CUX1: variants seen among roughly 807,000 people sequenced by gnomAD.
CUX1 encodes the protein cut like homeobox 1.
In CUX1, 31 loss-of-function variants were observed where a neutral mutation model predicts 158.8. The observed-to-expected ratio is 0.20, with a 90% CI of 0.15 to 0.26. CUX1 has a LOEUF of 0.26. CUX1 is among the 10% of genes least tolerant of loss of function. The pLI, the probability that CUX1 is intolerant of heterozygous loss-of-function variation, is 1.00. For synonymous variants in CUX1, 879 were observed against 862.1 expected, an observed-to-expected ratio of 1.02 and a Z score of -0.34; for missense variants, 1,589 against 2,014.6, an observed-to-expected ratio of 0.79 and a Z score of 4.04.
At chr7:102,267,499 A>G (rs973238046) in intron 14 of CUX1, among the ~76,000 whole-genome samples, 1 of 151,898 alleles carries the variant, frequency 6.6e-6, no homozygotes, top group Non-Finnish European at 1.5e-5. Flanking sequence ...ATACCATTGC[A>G]CTCTAGCCTG....
At position 102,216,645 on chromosome 7, in the gene CUX1, A is replaced by G. The variant is rs529871331; in HGVS notation, c.3131-10722A>G. On this transcript the variant is annotated intron_variant, in intron 20 of 23. Transcript: ENST00000292535. ...CACACACACACCCCCACACACGCAC[A>G]CACACACACTCTCCCACACACACTC... Among the ~76,000 whole-genome samples the G allele has an allele frequency of 5.6e-4, 60 of 108,074 alleles. 2 individuals carry two copies. The highest frequency in any genetic ancestry group is 2.1e-3 in the African/African-American group (58 of 27,376). The allele number at this position is 108,074 out of a possible 152,430, so 70.9% of individuals were successfully genotyped here.
chr7:102,087,604 T>C (rs150548899), intron 4 of CUX1, among the ~76,000 whole-genome samples: 1 of 152,170 alleles, frequency 6.6e-6, no homozygotes, highest in East Asian at 1.9e-4. Flanking sequence ...AAAGTAACCA[T>C]CTTTAACTTA....
At chr7:101,860,986 TG>T (rs1683903204) in intron 1 of CUX1, among the ~76,000 whole-genome samples, 1 of 152,128 alleles carries the variant, frequency 6.6e-6, no homozygotes, top group African/African-American at 2.4e-5. Flanking sequence ...TTAAATTTTT[TG>T]TAGAGACAGG....
At chr7:101,912,758 TG>T (rs1803641325) in intron 1 of CUX1, among the ~76,000 whole-genome samples, 1 of 152,230 alleles carries the variant, frequency 6.6e-6, no homozygotes, top group Non-Finnish European at 1.5e-5. Flanking sequence ...CAATACACCG[TG>T]TTTTTTTACA....
chr7:101,958,627 C>T (rs960822588), intron 2 of CUX1, among the ~76,000 whole-genome samples: 4 of 151,420 alleles, frequency 2.6e-5, no homozygotes, highest in African/African-American at 9.7e-5. Flanking sequence ...ATTACAGGTG[C>T]GCACCACCAT....
rs546324987 is a variant in CUX1, at chr7:102,238,192, C to T, written c.3623-1128C>T. On this transcript the variant is annotated intron_variant, in intron 22 of 23. Transcript: ENST00000292535. Reference sequence around the variant, plus strand: ...GAGCAGAGTCTTCTCTAAACTCCCCCGGGGAAAGGGATACTCCCTTTCCCG... The same window carrying T: ...GAGCAGAGTCTTCTCTAAACTCCCCTGGGGAAAGGGATACTCCCTTTCCCG... Among the ~76,000 whole-genome samples, 47 of 152,192 alleles carry T rather than the reference C, an allele frequency of 3.1e-4. No individual in the cohort carries two copies. The East Asian group carries it at 5.2e-3, about 17-fold the overall frequency.
rs563344812 is a variant in CUX1, at chr7:101,867,267, C to T, written c.31-48848C>T. Among the ~76,000 whole-genome samples, 12 of 152,246 alleles carry T rather than the reference C, an allele frequency of 7.9e-5. No individual in the cohort carries two copies. The East Asian group carries it at 2.3e-3, about 29-fold the overall frequency. On this transcript the variant is annotated intron_variant, in intron 1 of 23. Coordinates refer to ENST00000292535, the MANE Select transcript of CUX1 (RefSeq NM_181552.4). Reference sequence around the variant, plus strand: ...GAGAGAAAAGCAAATTACCTGAAATCCAGAAAGATCAGAGAAGGGAAGGAA... The same window carrying T: ...GAGAGAAAAGCAAATTACCTGAAATTCAGAAAGATCAGAGAAGGGAAGGAA...
chr7:101,817,380 G>T (rs1195295150), upstream of CUX1: 3 of 984,548 alleles, frequency 3.0e-6, no homozygotes, highest in Admixed American at 1.8e-4. This position sits in a 1 kb window ranked among gnomAD's most constrained non-coding sequence, Gnocchi z 4.1. Flanking sequence ...GCCTTCTCGG[G>T]CCGGGTTCTC....
At chr7:102,063,451 C>T (rs946893781) in intron 3 of CUX1, among the ~76,000 whole-genome samples, 4 of 137,350 alleles carry the variant, frequency 2.9e-5, no homozygotes, top group African/African-American at 7.9e-5. Flanking sequence ...TGCAATGGCA[C>T]GATCTTGGCT....
Position 102,252,149 on chromosome 7 carries a change from C to T in CUX1, c.*3107C>T. On this transcript the variant is annotated 3_prime_UTR_variant, in exon 24 of 24. Transcript: ENST00000292535. ...TTTTTAAAAAAAATAGAGATCCTAA[C>T]CTTAGATCTTTGATGTGAAGCTAGC... The T allele has an allele frequency of 2.0e-6, 2 of 985,058 alleles. No homozygotes were observed. The highest frequency in any genetic ancestry group is 2.4e-6 in the Non-Finnish European group (2 of 829,716). The allele number at this position is 985,058 out of a possible 1,614,324, so 61.0% of individuals were successfully genotyped here.
At position 101,820,785 on chromosome 7, in the gene CUX1, C is replaced by G. The variant is rs144214194; in HGVS notation, c.30+3116C>G. Among the ~76,000 whole-genome samples the G allele has an allele frequency of 2.2e-3, 336 of 152,258 alleles. 5 individuals carry two copies. The highest frequency in any genetic ancestry group is 0.018 in the Admixed American group (274 of 15,296). ...AGAATTGTTTTGTGTAAGTAGCAAG[C>G]GAGTGTAGCTTAAACACTCAAGCAA... On this transcript the variant is annotated intron_variant, in intron 1 of 23. Coordinates refer to ENST00000292535, the MANE Select transcript of CUX1 (RefSeq NM_181552.4).
chr7:101,923,139 G>C (rs1309368929), intron 2 of CUX1, among the ~76,000 whole-genome samples: 2 of 152,172 alleles, frequency 1.3e-5, no homozygotes, highest in African/African-American at 4.8e-5. Flanking sequence ...TAGGGAGTTA[G>C]TGGATGGAGA....
chr7:101,972,252 C>A (rs1812051047), intron 2 of CUX1, among the ~76,000 whole-genome samples: 2 of 152,244 alleles, frequency 1.3e-5, no homozygotes, highest in African/African-American at 4.8e-5. Flanking sequence ...AGGCGTGAGC[C>A]ACCGTGCCCG....
intron 2 of CUX1, among the ~76,000 whole-genome samples, chr7:101,924,461 T>C (rs1326991908): frequency 6.6e-6 from 1 of 152,248 alleles, no homozygotes; most frequent in Non-Finnish European, 1.5e-5. Context: ...CCCAGGACCC[T>C]GGGCGAGTCA....
At chr7:102,149,787 TA>T (rs1454698880) in intron 8 of CUX1, among the ~76,000 whole-genome samples, 1 of 152,128 alleles carries the variant, frequency 6.6e-6, no homozygotes. Flanking sequence ...CCCCCCGAGT[TA>T]AGGGGATTCC....
At chr7:102,266,219 AAGAG>A (rs35439464) in intron 14 of CUX1, among the ~76,000 whole-genome samples, 24 of 147,634 alleles carry the variant, frequency 1.6e-4, no homozygotes, top group South Asian at 2.1e-4. Context: ...AAAAAAAAAA[AAGAG>A]AGAGAGAGAG....
intron 3 of CUX1, among the ~76,000 whole-genome samples, chr7:102,066,709 T>C (rs1375473247): frequency 6.6e-6 from 1 of 152,222 alleles, no homozygotes; most frequent in East Asian, 1.9e-4. Flanking sequence ...GGACAGACTC[T>C]GCTACCCACC....
rs144152799 is a variant in CUX1 at position 102,138,452 on chromosome 7, C to T, written c.675-20108C>T. On this transcript the variant is annotated intron_variant, in intron 8 of 23. Coordinates refer to ENST00000292535, the MANE Select transcript of CUX1 (RefSeq NM_181552.4). ...AGCCTAATTGACCCTCTGAATGTCC[C>T]CTGAGCCTTCTAATCCGCCCTGCCT... Among the ~76,000 whole-genome samples, 751 of 152,188 alleles carry T rather than the reference C, an allele frequency of 4.9e-3. 7 individuals are homozygous for T. The highest frequency in any genetic ancestry group is 0.017 in the African/African-American group (710 of 41,524).
intron 3 of CUX1, among the ~76,000 whole-genome samples, chr7:102,054,144 C>T (rs1563181860): frequency 2.0e-5 from 3 of 152,090 alleles, no homozygotes; most frequent in Admixed American, 6.6e-5. Context: ...TTTAGAAGCG[C>T]AGAAGTTTTA....
Sources: allele counts gnomAD v4.1 joint callset (sites outside exome capture counted in the v4.1 genomes callset), GRCh38; gene constraint gnomAD v4.1.1; non-coding constraint Gnocchi (gnomAD v3.1); transcripts MANE v1.5; gene names NCBI Gene and HGNC (gene_info 2026-07-23, HGNC 2026-07-21).